The following PXN variants were observed in gnomAD, a reference collection of about 807,000 sequenced individuals.
PXN encodes paxillin.
A neutral mutation model predicts 103.6 loss-of-function variants in PXN; 61 were observed. That is an observed-to-expected ratio of 0.59 (90% CI 0.48 to 0.73). The LOEUF is 0.73. PXN is among the 30% of genes least tolerant of loss of function. The probability of loss-of-function intolerance (pLI) is 0.00; values close to 1 mark genes in which losing one functional copy is unlikely to be tolerated. For missense variants in PXN, 1,274 were observed against 1,460.3 expected, an observed-to-expected ratio of 0.87 and a Z score of 2.08; for synonymous variants, 562 against 607.8, an observed-to-expected ratio of 0.92 and a Z score of 1.11.
intron 1 of PXN, among the ~76,000 whole-genome samples, chr12:120,251,852 G>C (rs1892242953): frequency 6.6e-6 from 1 of 152,016 alleles, no homozygotes; most frequent in Admixed American, 6.6e-5. Context: ...TAAATGCCAA[G>C]AGAATGATAC....
Position 120,215,160 on chromosome 12 carries a change from C to A in PXN, c.2517G>T (p.Gly839=), listed in dbSNP as rs748713672. 28 of 1,572,984 alleles carry A rather than the reference C, an allele frequency of 1.8e-5. No homozygotes were observed. Among genetic ancestry groups the A allele is most frequent in the Non-Finnish European group, 2.2e-5 (26 of 1,157,512 alleles). The change falls in exon 11 of 15, where the codon GGG becomes GGT. Residue 839 remains glycine (G), a synonymous_variant. Transcript: ENST00000637617. This position sits in a 1 kb window ranked among gnomAD's most constrained non-coding sequence, Gnocchi z 4.9. ...GSLQSDLNKL[G]VATVAKGVCG... ...AGACTCCTTTGGCGACTGTGGCGAC[C>A]CCCAGCTTGTTCAGGTCAGACTGCA...
At position 120,230,610 on chromosome 12, in the gene PXN, G is replaced by A. The variant is rs187610480; in HGVS notation, c.14-6233C>T. ...TCCAGATTAGGAAGGAAAACAGAAC[G>A]GGAAGGCGGGTCTCCCCCCTCCCCC... On this transcript the variant is annotated intron_variant, in intron 1 of 14. Coordinates refer to ENST00000637617, the MANE Select transcript of PXN (RefSeq NM_001385981.1). Among the ~76,000 whole-genome samples the A allele has an allele frequency of 5.7e-3, 862 of 152,208 alleles. 23 individuals carry two copies. Among genetic ancestry groups the A allele is most frequent in the Admixed American group, 0.045 (692 of 15,276 alleles).
At position 120,215,081 on chromosome 12, in the gene PXN, C is replaced by T. The variant is rs747496192; in HGVS notation, c.2574+22G>A. Reference sequence around the variant, plus strand: ...CCTGCAGGAGTCCACTGGCCACACCCCTGCCCACTCCCCCTCATCACCTGC... The same window carrying T: ...CCTGCAGGAGTCCACTGGCCACACCTCTGCCCACTCCCCCTCATCACCTGC... On this transcript the variant is annotated intron_variant, in intron 11 of 14. Coordinates refer to ENST00000637617, the MANE Select transcript of PXN (RefSeq NM_001385981.1). The surrounding 1 kb of genome is among the most constrained non-coding windows in gnomAD (Gnocchi z 4.9). 7.5e-6 allele frequency: 12 copies of T among 1,590,504 alleles called. 1 individual carries two copies. In the South Asian group the frequency reaches 1.3e-4, roughly 17 times the overall value.
rs1313477539 is a variant in PXN, at chr12:120,265,074, G to A, written c.13+543C>T. Among the ~76,000 whole-genome samples the A allele has an allele frequency of 6.6e-6, 1 of 152,060 alleles. No individual in the cohort carries two copies. ...TTGTGAAATGAAAGGGGTGGGCTCC[G>A]AGGGGTTATCCCTGAAGGGGGGTGC... is the stretch of plus-strand genomic sequence containing the variant. On this transcript the variant is annotated intron_variant, in intron 1 of 14. Transcript: ENST00000637617. This position sits in a 1 kb window ranked among gnomAD's most constrained non-coding sequence, Gnocchi z 5.7.
At position 120,217,768 on chromosome 12, in the gene PXN, GT is replaced by G. The variant is rs898429158; in HGVS notation, c.1717-653del. ...CTAATTTTTGTTGTTGTTGTTTTTT[GT>G]TTTTTTTTTTAGTAGAGATGGGGTT... On this transcript the variant is annotated intron_variant, in intron 7 of 14. Transcript: ENST00000637617. This position sits in a 1 kb window ranked among gnomAD's most constrained non-coding sequence, Gnocchi z 4.1. 3.9e-4 allele frequency among the ~76,000 whole-genome samples: 56 copies of G among 142,248 alleles called. No individual in the cohort carries two copies. Among genetic ancestry groups the G allele is most frequent in the Non-Finnish European group, 4.2e-4 (27 of 64,706 alleles). 93.3% of individuals were successfully genotyped at this position (142,248 alleles called of 152,430 possible). A position where few individuals can be genotyped will look rare whatever the true frequency, so the allele number is the denominator to read the frequency against.
chr12:120,227,567 C>A (rs567744704), intron 1 of PXN, among the ~76,000 whole-genome samples: 1 of 152,168 alleles, frequency 6.6e-6, no homozygotes, highest in Non-Finnish European at 1.5e-5. Context: ...TCAGTTTTCT[C>A]CAAAGTTTTG....
intron 3 of PXN, 28 bp from the exon 4 acceptor site, chr12:120,223,027 T>C (rs768815576): frequency 2.9e-5 from 47 of 1,613,592 alleles, no homozygotes; most frequent in Non-Finnish European, 3.8e-5. Context: ...AAGAAGATAG[T>C]GAGAGATGCT....
intron 1 of PXN, among the ~76,000 whole-genome samples, chr12:120,262,375 T>C (rs1368420335): frequency 6.6e-6 from 1 of 152,186 alleles, no homozygotes; most frequent in African/African-American, 2.4e-5. Flanking sequence ...AGGGCAGAGA[T>C]TGTTAAAGGT....
In PXN at chr12:120,224,839, C is replaced by T. The variant is rs754323709; in HGVS notation, c.14-462G>A. The stretch of plus-strand genomic sequence containing the variant: ...TAAGAGCTTAGGCTTTCCCAGCCCC[C>T]GACTGGAAGGGGCACTCAGGATGGT... On this transcript the variant is annotated intron_variant, in intron 1 of 14. Transcript: ENST00000637617. The surrounding 1 kb of genome is among the most constrained non-coding windows in gnomAD (Gnocchi z 5.0). 2 of 423,628 alleles carry T rather than the reference C, an allele frequency of 4.7e-6. No individual in the cohort carries two copies. The highest frequency in any genetic ancestry group is 2.0e-5 in the African/African-American group (1 of 49,238). The allele number at this position is 423,628 out of a possible 1,614,324, so 26.2% of individuals were successfully genotyped here. A position where few individuals can be genotyped will look rare whatever the true frequency, so the allele number is the denominator to read the frequency against.
intron 1 of PXN, among the ~76,000 whole-genome samples, chr12:120,242,451 T>C (rs954071451): frequency 3.9e-5 from 6 of 152,268 alleles, no homozygotes; most frequent in African/African-American, 1.4e-4. Context: ...AGATCCTTCC[T>C]GCCACATGAG....
chr12:120,247,494 A>T (rs1469857810), intron 1 of PXN: 1 of 153,900 alleles, frequency 6.5e-6, no homozygotes, highest in Non-Finnish European at 1.5e-5. Flanking sequence ...GCAATTTATT[A>T]AATCAGAATT....
chr12:120,221,521 A>C lies in PXN; in HGVS notation c.831+102T>G. The C allele has an allele frequency of 1.5e-6, 2 of 1,334,120 alleles. No homozygotes were observed. Among genetic ancestry groups the C allele is most frequent in the East Asian group, 2.7e-5 (1 of 37,408 alleles). 82.6% of individuals were successfully genotyped at this position (1,334,120 alleles called of 1,614,324 possible). On this transcript the variant is annotated intron_variant, in intron 6 of 14. Transcript: ENST00000637617. This position sits in a 1 kb window ranked among gnomAD's most constrained non-coding sequence, Gnocchi z 6.6. The stretch of plus-strand genomic sequence containing the variant: ...TCCCTGGCTCAGGGGCAAGGCACCC[A>C]AACACTGAGATGCCAAGATCCAGCT...
In PXN at chr12:120,213,814, C is replaced by T. The variant is rs761771946; in HGVS notation, c.2979+28G>A. 15 of 1,601,392 alleles carry T rather than the reference C, an allele frequency of 9.4e-6. No homozygotes were observed. Among genetic ancestry groups the T allele is most frequent in the Non-Finnish European group, 1.3e-5 (15 of 1,174,384 alleles). On this transcript the variant is annotated intron_variant, in intron 14 of 14. Coordinates refer to ENST00000637617, the MANE Select transcript of PXN (RefSeq NM_001385981.1). This position sits in a 1 kb window ranked among gnomAD's most constrained non-coding sequence, Gnocchi z 4.2. Reference sequence around the variant, plus strand: ...CTCTCCCCACTGCCTGCTCCTCGCCCCTCCAGATGTGGTCAGGGGCTCCTT... The same window carrying T: ...CTCTCCCCACTGCCTGCTCCTCGCCTCTCCAGATGTGGTCAGGGGCTCCTT...
chr12:120,250,856 G>GT (rs57857987), intron 1 of PXN, among the ~76,000 whole-genome samples: 4,685 of 136,128 alleles, frequency 0.034, 194 homozygotes, highest in East Asian at 0.13. Flanking sequence ...TGCACTAAGT[G>GT]CCCACCAAGG....
In PXN at chr12:120,214,787, T is replaced by C. The variant is rs1882022430; in HGVS notation, c.2748+38A>G. 1.2e-6 allele frequency: 2 copies of C among 1,609,704 alleles called. No individual in the cohort carries two copies. Among genetic ancestry groups the C allele is most frequent in the East Asian group, 2.2e-5 (1 of 44,826 alleles). On this transcript the variant is annotated intron_variant, in intron 12 of 14. Transcript: ENST00000637617. The surrounding 1 kb of genome is among the most constrained non-coding windows in gnomAD (Gnocchi z 5.0). ...TCAGAGGGCTGCGGTGAAGCTGGAA[T>C]GAGCGGAAGCGGGCGCGGTGCCGGA...
At position 120,214,956 on chromosome 12, in the gene PXN, C is replaced by T. The variant is rs766354430; in HGVS notation, c.2617G>A (p.Val873Ile). Residue 873 changes from valine (V) to isoleucine (I), a missense_variant, in exon 12 of 15, where the codon GTC becomes ATC. Val to Ile is a conservative substitution (Grantham distance 29, BLOSUM62 3). Around this residue, in one of 2 missense-constraint regions of PXN, gnomAD observed 1,178 missense variants for 1,309.0 expected, o/e 0.90. Transcript: ENST00000637617. The surrounding 1 kb of genome is among the most constrained non-coding windows in gnomAD (Gnocchi z 5.0). ...MGKTWHPEHF[V>I]CTHCQEEIGS... ...ATCTCCTCCTGGCAGTGGGTGCAGACGAAGTGCTCGGGGTGCCACGTCTTC... is the reference window on the plus strand; with the variant it reads ...ATCTCCTCCTGGCAGTGGGTGCAGATGAAGTGCTCGGGGTGCCACGTCTTC... 2.2e-5 allele frequency: 36 copies of T among 1,613,770 alleles called. 1 individual carries two copies. Among genetic ancestry groups the T allele is most frequent in the South Asian group, 1.1e-4 (10 of 91,054 alleles).
At position 120,217,213 on chromosome 12, in the gene PXN, A is replaced by G. The variant is rs1319246877; in HGVS notation, c.1717-97T>C. The G allele has an allele frequency of 9.4e-7, 1 of 1,061,054 alleles. No homozygotes were observed. The highest frequency in any genetic ancestry group is 1.4e-6 in the Non-Finnish European group (1 of 729,260). The allele number at this position is 1,061,054 out of a possible 1,614,324, so 65.7% of individuals were successfully genotyped here. A position where few individuals can be genotyped will look rare whatever the true frequency, so the allele number is the denominator to read the frequency against. ...AGATGCCTCAGGAGAGGGAGCACAA[A>G]AGAAAACCACCAAAGAACCAAGCGG... On this transcript the variant is annotated intron_variant, in intron 7 of 14. Transcript: ENST00000637617. The surrounding 1 kb of genome is among the most constrained non-coding windows in gnomAD (Gnocchi z 4.1).
rs1399545882 is a variant in PXN, at chr12:120,220,207, C to G, written c.832-116G>C. ...AGGGCTGACCAAGGTGGCTGCAAAGCTGACGCACAGGACTGACCCTTGAAG... is the reference window on the plus strand; with the variant it reads ...AGGGCTGACCAAGGTGGCTGCAAAGGTGACGCACAGGACTGACCCTTGAAG... On this transcript the variant is annotated intron_variant, in intron 6 of 14. Coordinates refer to ENST00000637617, the MANE Select transcript of PXN (RefSeq NM_001385981.1). This position sits in a 1 kb window ranked among gnomAD's most constrained non-coding sequence, Gnocchi z 6.1. 9.9e-6 allele frequency: 5 copies of G among 506,820 alleles called. No homozygotes were observed. Among genetic ancestry groups the G allele is most frequent in the Non-Finnish European group, 1.7e-5 (5 of 286,006 alleles). 31.4% of individuals were successfully genotyped at this position (506,820 alleles called of 1,614,324 possible).
intron 7 of PXN, among the ~76,000 whole-genome samples, chr12:120,218,359 T>C (rs1316072766): frequency 6.6e-6 from 1 of 151,796 alleles, no homozygotes; most frequent in East Asian, 1.9e-4. Flanking sequence ...ATAAAGTTTT[T>C]TGTTGTTGTT....
Sources: gnomAD v4.1 joint callset for allele counts (sites outside exome capture counted in the v4.1 genomes callset) on GRCh38, gnomAD v4.1.1 for gene constraint, gnomAD v4.1.1 regional missense constraint, Gnocchi (gnomAD v3.1) non-coding constraint, MANE v1.5 for transcripts, NCBI Gene and HGNC (gene_info 2026-07-23, HGNC 2026-07-21) for gene names.